The following SLC17A9 variants were observed in gnomAD, a reference collection of about 807,000 sequenced individuals.
SLC17A9 encodes solute carrier family 17 member 9.
SLC17A9 carries 49 observed loss-of-function variants against 55.0 expected under a neutral mutation model. The observed-to-expected ratio is 0.89, with a 90% CI of 0.71 to 1.13. SLC17A9 has a LOEUF of 1.13. Among genes scored for constraint, SLC17A9 ranks in the 50% most tolerant of loss-of-function variants. The probability of loss-of-function intolerance (pLI) is 0.00; values close to 1 mark genes in which losing one functional copy is unlikely to be tolerated. For missense variants in SLC17A9, 526 were observed against 569.3 expected, an observed-to-expected ratio of 0.92 and a Z score of 0.77; for synonymous variants, 256 against 247.4, an observed-to-expected ratio of 1.03 and a Z score of -0.32.
In SLC17A9 at chr20:62,968,188, G is replaced by T. The variant is rs45481494; in HGVS notation, c.*688G>T. On this transcript the variant is annotated 3_prime_UTR_variant, in exon 13 of 13. Coordinates refer to ENST00000370351, the MANE Select transcript of SLC17A9 (RefSeq NM_022082.4). ...CCCCCAGGGCAGTGGGTGGGTGGCG[G>T]GCTAGAGACCCTTGCCTGTGTCCGG... 1 of 152,274 alleles carries T rather than the reference G, an allele frequency of 6.6e-6. No individual in the cohort carries two copies. Among genetic ancestry groups the T allele is most frequent in the Non-Finnish European group, 1.5e-5 (1 of 68,148 alleles). 9.4% of individuals were successfully genotyped at this position (152,274 alleles called of 1,614,324 possible).
At chr20:62,957,709 T>A in intron 3 of SLC17A9, 129 bp downstream of exon 3, 1 of 777,398 alleles carries the variant, frequency 1.3e-6, no homozygotes. Flanking sequence ...TGTATGGGCA[T>A]GCCCGCGTGC....
chr20:62,966,437 C>T (rs1601100121), intron 10 of SLC17A9, 88 bp from the exon 11 acceptor site: 2 of 1,465,480 alleles, frequency 1.4e-6, no homozygotes, highest in Non-Finnish European at 1.9e-6. Flanking sequence ...CTCCACGAGA[C>T]CTTGCTTCCC....
chr20:62,964,087 A>G (rs906263416), intron 7 of SLC17A9, 141 bp from the exon 8 acceptor site: 2 of 824,352 alleles, frequency 2.4e-6, no homozygotes, highest in Admixed American at 1.9e-5. Context: ...AGAGCTGCAC[A>G]TTCCCAGGAG....
Position 62,962,519 on chromosome 20 carries a change from C to T in SLC17A9, c.498-105C>T, listed in dbSNP as rs917892505. On this transcript the variant is annotated intron_variant, in intron 4 of 12. Transcript: ENST00000370351. The surrounding 1 kb of genome is among the most constrained non-coding windows in gnomAD (Gnocchi z 5.5). ...CCTCTGGAGGCGATGAAAACACCCT[C>T]TTCTCCAGGGGCTCAGCCTGCACCA... 2.2e-5 allele frequency: 32 copies of T among 1,450,980 alleles called. No individual in the cohort carries two copies. Among genetic ancestry groups the T allele is most frequent in the Middle Eastern group, 2.3e-4 (1 of 4,330 alleles). The allele number at this position is 1,450,980 out of a possible 1,614,324, so 89.9% of individuals were successfully genotyped here.
chr20:62,952,896 CG>C lies in SLC17A9; in HGVS notation c.59+12del. 1.7e-5 allele frequency: 1 copy of C among 60,270 alleles called. No homozygotes were observed. The highest frequency in any genetic ancestry group is 3.2e-5 in the Non-Finnish European group (1 of 31,676). 3.7% of individuals were successfully genotyped at this position (60,270 alleles called of 1,614,324 possible). On this transcript the variant is annotated splice_region_variant and intron_variant, in intron 1 of 12. Coordinates refer to ENST00000370351, the MANE Select transcript of SLC17A9 (RefSeq NM_022082.4). ...GGGACACCCAGTGGTCCAGGTGTGG[CG>C]GGGGTGAGGGGAGGGGGGGTGGGAG...
chr20:62,955,020 G>A (rs1396456092), intron 1 of SLC17A9, among the ~76,000 whole-genome samples: 2 of 152,170 alleles, frequency 1.3e-5, no homozygotes, highest in Non-Finnish European at 2.9e-5. Flanking sequence ...GAGTGCAGTG[G>A]TGCAATCTCG....
rs774546067 is a variant in SLC17A9, at chr20:62,965,131, G to A, written c.911-1G>A. 6.2e-7 allele frequency: 1 copy of A among 1,614,122 alleles called. No homozygotes were observed. Among genetic ancestry groups the A allele is most frequent in the South Asian group, 1.1e-5 (1 of 91,086 alleles). On this transcript the variant is annotated splice_acceptor_variant, in intron 8 of 12. Transcript: ENST00000370351. LOFTEE classifies it high-confidence loss of function. Reference sequence around the variant, plus strand: ...GCCCCTTCCTTGGCCTCCCCCTGTAGGTTACAGAGCCATCACGGTGCGGAA... The same window carrying A: ...GCCCCTTCCTTGGCCTCCCCCTGTAAGTTACAGAGCCATCACGGTGCGGAA...
chr20:62,962,670 G>C lies in SLC17A9; in HGVS notation c.544G>C (p.Gly182Arg). The C allele has an allele frequency of 6.2e-7, 1 of 1,614,088 alleles. No homozygotes were observed. The highest frequency in any genetic ancestry group is 1.3e-5 in the African/African-American group (1 of 75,062). The change falls in exon 5 of 13, where the codon GGC (glycine) becomes CGC (arginine). Residue 182 changes from glycine to arginine, a missense_variant. By Grantham distance (125) the Gly-to-Arg change is moderately radical. Transcript: ENST00000370351. This position sits in a 1 kb window ranked among gnomAD's most constrained non-coding sequence, Gnocchi z 5.5. ...AVGSLLLEWY[G>R]WQSIFYFSGG... ...GGGCTCCCTGCTCCTGGAATGGTAC[G>C]GCTGGCAGAGCATCTTCTATTTCTC...
At chr20:62,959,158 G>A (rs1465218790) in intron 3 of SLC17A9, among the ~76,000 whole-genome samples, 1 of 152,172 alleles carries the variant, frequency 6.6e-6, no homozygotes, top group Non-Finnish European at 1.5e-5. Flanking sequence ...AAGCTGTGAG[G>A]AAAACAGTGG....
chr20:62,967,083 C>T, intron 12 of SLC17A9: 2 of 583,232 alleles, frequency 3.4e-6, no homozygotes, highest in South Asian at 4.5e-5. Context: ...TCCCATTTTC[C>T]TTTCAGCGGG....
chr20:62,963,713 G>C, intron 7 of SLC17A9, 33 bp downstream of exon 7: 2 of 1,545,730 alleles, frequency 1.3e-6, no homozygotes, highest in Non-Finnish European at 1.8e-6. Context: ...GTGAAGGAGC[G>C]CCCAGAAGGC....
At position 62,965,630 on chromosome 20, in the gene SLC17A9, C is replaced by T. The variant is rs1377130128; in HGVS notation, c.966C>T (p.Ser322=). ...TGCAGGGCATGGGCCTTGGCCTCTC[C>T]AGCGTCTTTGCTCTGTGCCTGGGCC... The part of the protein sequence containing the change: ...KLMQGMGLGL[S]SVFALCLGHT... Residue 322 remains serine (S), a synonymous_variant, in exon 10 of 13, where the codon TCC becomes TCT. Transcript: ENST00000370351. 1 of 1,613,564 alleles carries T rather than the reference C, an allele frequency of 6.2e-7. No homozygotes were observed. Among genetic ancestry groups the T allele is most frequent in the Admixed American group, 1.7e-5 (1 of 60,036 alleles).
Position 62,966,745 on chromosome 20 carries a change from C to A in SLC17A9, c.1147+13C>A, listed in dbSNP as rs775745540. ...GGGGCCTTGGCAGGTGAGGGGCGGG[C>A]CTCTGTGCCCAGGAGTTCCCCTGTC... is the stretch of plus-strand genomic sequence containing the variant. On this transcript the variant is annotated intron_variant, in intron 12 of 12. Transcript: ENST00000370351. 8.7e-6 allele frequency: 14 copies of A among 1,607,592 alleles called. No homozygotes were observed. Among genetic ancestry groups the A allele is most frequent in the South Asian group, 1.1e-5 (1 of 90,388 alleles).
rs2065561140 is a variant in SLC17A9 at position 62,958,428 on chromosome 20, G to T, written c.397+848G>T. On this transcript the variant is annotated intron_variant, in intron 3 of 12. Coordinates refer to ENST00000370351, the MANE Select transcript of SLC17A9 (RefSeq NM_022082.4). This position sits in a 1 kb window ranked among gnomAD's most constrained non-coding sequence, Gnocchi z 4.1. ...TCAGGAGAACAAGGTGGGTGGGGGG[G>T]CCAAGGGGGCTTTGAGGGGCCCCTA... Among the ~76,000 whole-genome samples, 1 of 151,766 alleles carries T rather than the reference G, an allele frequency of 6.6e-6. No individual in the cohort carries two copies. The highest frequency in any genetic ancestry group is 2.1e-4 in the South Asian group (1 of 4,812).
At chr20:62,957,417 C>A in intron 2 of SLC17A9, 24 bp from the exon 3 acceptor site, 3 of 1,557,484 alleles carry the variant, frequency 1.9e-6, no homozygotes, top group Non-Finnish European at 2.6e-6. Flanking sequence ...GCCACATCCT[C>A]ACCTCCCTCT....
intron 7 of SLC17A9, 70 bp from the exon 8 acceptor site, chr20:62,964,158 C>G (rs1159843259): frequency 6.6e-7 from 1 of 1,518,308 alleles, no homozygotes; most frequent in Non-Finnish European, 9.1e-7. Context: ...CGCTGTCCAG[C>G]CTGAGTATCC....
chr20:62,952,878 C>T lies in SLC17A9; in HGVS notation c.48C>T (p.Thr16=). Residue 16 remains threonine (T), a synonymous_variant, in exon 1 of 13, where the codon ACC becomes ACT. Transcript: ENST00000370351. The stretch of plus-strand genomic sequence containing the variant: ...CCCGCAGGGACATGGCCGGGGACAC[C>T]CAGTGGTCCAGGTGTGGCGGGGGTG... ...DEARRDMAGD[T]QWSRPECQAW... The T allele has an allele frequency of 4.3e-6, 6 of 1,403,928 alleles. No homozygotes were observed. The highest frequency in any genetic ancestry group is 3.1e-5 in the East Asian group (1 of 32,082). The allele number at this position is 1,403,928 out of a possible 1,614,324, so 87.0% of individuals were successfully genotyped here.
intron 3 of SLC17A9, among the ~76,000 whole-genome samples, chr20:62,957,903 CTG>C (rs150146892): frequency 5.8e-4 from 87 of 150,252 alleles, no homozygotes; most frequent in Admixed American, 2.5e-3. Flanking sequence ...ATGCGTGCAC[CTG>C]TGTGTGTGTG....
At chr20:62,953,241 ACAAG>A in intron 1 of SLC17A9, 1 of 1,550,344 alleles carries the variant, frequency 6.5e-7, no homozygotes, top group Non-Finnish European at 8.7e-7. Context: ...CATGACCCTG[ACAAG>A]CAGGCGCCAG....
Sources: gnomAD v4.1 joint callset for allele counts (sites outside exome capture counted in the v4.1 genomes callset) on GRCh38, gnomAD v4.1.1 for gene constraint, Gnocchi (gnomAD v3.1) non-coding constraint, MANE v1.5 for transcripts, NCBI Gene and HGNC (gene_info 2026-07-23, HGNC 2026-07-21) for gene names.